SLC12A2: variants seen among roughly 807,000 people sequenced by gnomAD.
The protein encoded by SLC12A2 is Na-K-2Cl cotransporter 1.
SLC12A2 carries 67 observed loss-of-function variants against 136.3 expected under a neutral mutation model. The observed-to-expected ratio is 0.49, with a 90% CI of 0.40 to 0.60. The LOEUF (loss-of-function observed/expected upper bound fraction) is 0.60, where lower values mean the gene tolerates loss of function less well. Among genes scored for constraint, SLC12A2 ranks in the 20% least tolerant of loss-of-function variants. SLC12A2 has a pLI of 0.00. For synonymous variants in SLC12A2, 619 were observed against 562.9 expected (o/e 1.10, Z -1.41); for missense variants, 1,322 against 1,534.7 (o/e 0.86, Z 2.32).
At chr5:128,085,189 A>G (rs1201251716) in intron 1 of SLC12A2, among the ~76,000 whole-genome samples, 2 of 152,104 alleles carry the variant, frequency 1.3e-5, no homozygotes, top group Middle Eastern at 3.4e-3. Context: ...GAAAACCTTA[A>G]CAGGGTGTGT....
intron 1 of SLC12A2, among the ~76,000 whole-genome samples, chr5:128,089,065 G>C (rs937717297): frequency 1.3e-5 from 2 of 151,898 alleles, no homozygotes; most frequent in Non-Finnish European, 2.9e-5. Flanking sequence ...CTATTTGGGT[G>C]GCTGAGGCAG....
At chr5:128,157,858 T>C (rs1305009285) in intron 15 of SLC12A2, 195 bp from the exon 16 acceptor site, 1 of 514,372 alleles carries the variant, frequency 1.9e-6, no homozygotes, top group Non-Finnish European at 3.4e-6. Context: ...TTTGGCATGA[T>C]GTTTGTTCCA....
Position 128,131,085 on chromosome 5 carries a change from T to C in SLC12A2, c.1067T>C (p.Ile356Thr). The C allele has an allele frequency of 1.2e-6, 2 of 1,614,028 alleles. No homozygotes were observed. Among genetic ancestry groups the C allele is most frequent in the Admixed American group, 3.3e-5 (2 of 60,014 alleles). ...TTTTTAGGAGGAGCATATTATTTAA[T>C]ATCTAGAAGTCTAGGGCCAGAATTT... ...FVRGGGAYYL[I>T]SRSLGPEFGG... The change falls in exon 5 of 27, where the codon ATA becomes ACA. Residue 356 changes from isoleucine (I) to threonine (T), a missense_variant. Around this residue, in one of 8 missense-constraint regions of SLC12A2, gnomAD observed 71 missense variants for 131.0 expected, o/e 0.54. Coordinates refer to ENST00000262461, the MANE Select transcript of SLC12A2 (RefSeq NM_001046.3).
intron 26 of SLC12A2, 77 bp from the exon 27 acceptor site, chr5:128,186,419 A>G (rs543451919): frequency 2.9e-6 from 4 of 1,394,676 alleles, no homozygotes; most frequent in East Asian, 2.3e-5. Flanking sequence ...AATCTACTTT[A>G]TAATTTTTGC....
intron 12 of SLC12A2, 90 bp downstream of exon 12, chr5:128,148,967 G>A: frequency 2.7e-6 from 3 of 1,094,036 alleles, no homozygotes; most frequent in Non-Finnish European, 3.9e-6. Context: ...ATGTTATCTT[G>A]GTATACTAAG....
At chr5:128,129,956 A>G (rs779217078) in intron 4 of SLC12A2, among the ~76,000 whole-genome samples, 1 of 151,876 alleles carries the variant, frequency 6.6e-6, no homozygotes, top group African/African-American at 2.4e-5. Context: ...ATCTTTGTTT[A>G]TTCTGCCATT....
chr5:128,112,695 T>C, intron 1 of SLC12A2, 119 bp from the exon 2 acceptor site: 3 of 650,358 alleles, frequency 4.6e-6, no homozygotes, highest in South Asian at 6.2e-5. Flanking sequence ...CCCTTGATTC[T>C]TGGAAATCTG....
In SLC12A2 at chr5:128,102,596, C is replaced by CTTTTTTTTTTTTTTTTTTTT. The variant is rs70997362; in HGVS notation, c.757-10206_757-10187dup. 8.7e-4 allele frequency among the ~76,000 whole-genome samples: 35 copies of CTTTTTTTTTTTTTTTTTTTT among 40,462 alleles called. 9 individuals are homozygous for CTTTTTTTTTTTTTTTTTTTT. Among genetic ancestry groups the CTTTTTTTTTTTTTTTTTTTT allele is most frequent in the Middle Eastern group, 0.024 (1 of 42 alleles). The allele number at this position is 40,462 out of a possible 152,430, so 26.5% of individuals were successfully genotyped here. On this transcript the variant is annotated intron_variant, in intron 1 of 26. Coordinates refer to ENST00000262461, the MANE Select transcript of SLC12A2 (RefSeq NM_001046.3). ...TTCTGTAATTCACCCCCCCCCCCGCCTTTTTTTTTTTTTTTTTTTTTTTTT... is the reference window on the plus strand; with the variant it reads ...TTCTGTAATTCACCCCCCCCCCCGCCTTTTTTTTTTTTTTTTTTTTTTTTTTTTTTTTTTTTTTTTTTTTT...
intron 23 of SLC12A2, 42 bp from the exon 24 acceptor site, chr5:128,182,813 A>G: frequency 1.4e-6 from 2 of 1,415,090 alleles, no homozygotes; most frequent in South Asian, 2.4e-5. Flanking sequence ...CCAATATAGA[A>G]TGAAAATACT....
chr5:128,165,502 C>T (rs1460512073), intron 17 of SLC12A2, among the ~76,000 whole-genome samples: 1 of 152,144 alleles, frequency 6.6e-6, no homozygotes, highest in Non-Finnish European at 1.5e-5. Context: ...CCATGAAGAA[C>T]TCATTTCCGA....
chr5:128,129,159 A>G (rs558993224), intron 4 of SLC12A2, among the ~76,000 whole-genome samples: 3 of 152,222 alleles, frequency 2.0e-5, no homozygotes, highest in African/African-American at 4.8e-5. Context: ...ACTAATTTCA[A>G]TAACTTTTCT....
chr5:128,145,358 G>A (rs1466851851), intron 10 of SLC12A2, among the ~76,000 whole-genome samples: 2 of 152,072 alleles, frequency 1.3e-5, no homozygotes, highest in African/African-American at 2.4e-5. Context: ...CATTAAGACA[G>A]ATGTAGAATT....
In SLC12A2 at chr5:128,084,154, G is replaced by A. The variant is rs913007209; in HGVS notation, c.200G>A (p.Gly67Glu). 14 of 1,298,940 alleles carry A rather than the reference G, an allele frequency of 1.1e-5. No individual in the cohort carries two copies. The African/African-American group carries it at 2.2e-4, about 20-fold the overall frequency. 80.5% of individuals were successfully genotyped at this position (1,298,940 alleles called of 1,614,324 possible). A position where few individuals can be genotyped will look rare whatever the true frequency, so the allele number is the denominator to read the frequency against. Residue 67 changes from glycine to glutamate, a missense_variant, in exon 1 of 27, where the codon GGG (glycine) becomes GAG (glutamate). Coordinates refer to ENST00000262461, the MANE Select transcript of SLC12A2 (RefSeq NM_001046.3). This position sits in a 1 kb window ranked among gnomAD's most constrained non-coding sequence, Gnocchi z 5.6. Reference sequence around the variant, plus strand: ...GAGGGCCCCGCGGCGGCCGGGGACGGGCTGGGCAGACCCTTGGGGCCCACC... The same window carrying A: ...GAGGGCCCCGCGGCGGCCGGGGACGAGCTGGGCAGACCCTTGGGGCCCACC... The part of the protein sequence containing the change: ...RDEGPAAAGD[G>E]LGRPLGPTPS...
intron 22 of SLC12A2, among the ~76,000 whole-genome samples, chr5:128,180,110 C>CA (rs1165110659): frequency 2.0e-5 from 3 of 151,416 alleles, no homozygotes; most frequent in Non-Finnish European, 4.4e-5. Flanking sequence ...GCTGGGACTA[C>CA]AGGCACCTGC....
intron 23 of SLC12A2, among the ~76,000 whole-genome samples, chr5:128,181,273 C>G (rs1266188842): frequency 6.6e-6 from 1 of 152,038 alleles, no homozygotes; most frequent in Non-Finnish European, 1.5e-5. Flanking sequence ...CAACTTCTTT[C>G]TTTTAATCAG....
At chr5:128,085,147 G>C (rs1021600361) in intron 1 of SLC12A2, among the ~76,000 whole-genome samples, 1 of 151,828 alleles carries the variant, frequency 6.6e-6, no homozygotes. Flanking sequence ...GCCTATTAGG[G>C]ATCGCAAGAG....
intron 16 of SLC12A2, among the ~76,000 whole-genome samples, chr5:128,160,253 C>A (rs537690838): frequency 1.3e-5 from 2 of 150,716 alleles, no homozygotes; most frequent in Non-Finnish European, 3.0e-5. Flanking sequence ...TGGGGGGGCT[C>A]GGGGAGGGAT....
intron 12 of SLC12A2, 30 bp from the exon 13 acceptor site, chr5:128,149,967 C>A (rs1762647161): frequency 2.8e-6 from 4 of 1,406,190 alleles, no homozygotes; most frequent in Non-Finnish European, 4.0e-6. Context: ...TCTAATACGT[C>A]AGTAAATCTC....
chr5:128,157,897 C>T, intron 15 of SLC12A2, 156 bp from the exon 16 acceptor site: 2 of 566,552 alleles, frequency 3.5e-6, no homozygotes, highest in African/African-American at 1.9e-5. Context: ...TCTCATGTAC[C>T]AAGAAGTCCT....
Sources: gnomAD v4.1 joint callset for allele counts (sites outside exome capture counted in the v4.1 genomes callset) on GRCh38, gnomAD v4.1.1 for gene constraint, gnomAD v4.1.1 regional missense constraint, Gnocchi (gnomAD v3.1) non-coding constraint, MANE v1.5 for transcripts, NCBI Gene and HGNC (gene_info 2026-07-23, HGNC 2026-07-21) for gene names.